The following ANO4 variants were observed in gnomAD, a reference collection of about 807,000 sequenced individuals.
ANO4 encodes the protein anoctamin 4.
In ANO4, 69 loss-of-function variants were observed where a neutral mutation model predicts 141.9. That is an observed-to-expected ratio of 0.49 (90% CI 0.40 to 0.59). The LOEUF is 0.59. ANO4 is among the 20% of genes least tolerant of loss of function. ANO4 has a pLI of 0.00. For synonymous variants in ANO4, 350 were observed against 394.3 expected, an observed-to-expected ratio of 0.89 and a Z score of 1.33; for missense variants, 894 against 1,162.2, an observed-to-expected ratio of 0.77 and a Z score of 3.36.
chr12:100,772,693 C>T (rs752764200), intron 3 of ANO4, among the ~76,000 whole-genome samples: 3 of 152,164 alleles, frequency 2.0e-5, no homozygotes, highest in Non-Finnish European at 4.4e-5. Context: ...TAAGTAGATA[C>T]AAAGGAAAAA....
At chr12:100,883,408 CTG>C (rs2039667936) in intron 1 of ANO4, among the ~76,000 whole-genome samples, 1 of 152,192 alleles carries the variant, frequency 6.6e-6, no homozygotes, top group East Asian at 1.9e-4. Context: ...ACAAATGTAT[CTG>C]TGTTTCAATA....
intron 1 of ANO4, among the ~76,000 whole-genome samples, chr12:100,866,132 T>C (rs2038742344): frequency 6.6e-6 from 1 of 152,196 alleles, no homozygotes; most frequent in Admixed American, 6.5e-5. Flanking sequence ...AAGTGGATGT[T>C]ATCCAGAAGA....
intron 3 of ANO4, among the ~76,000 whole-genome samples, chr12:100,757,932 A>T (rs914029402): frequency 6.6e-6 from 1 of 152,112 alleles, no homozygotes; most frequent in Non-Finnish European, 1.5e-5. Context: ...ATCAATTTGT[A>T]TGTATTGTTC....
At chr12:100,906,286 A>G (rs986305187) in intron 2 of ANO4, among the ~76,000 whole-genome samples, 1 of 152,134 alleles carries the variant, frequency 6.6e-6, no homozygotes, top group African/African-American at 2.4e-5. Context: ...AGGGTACAAG[A>G]CATCAAGGGA....
intron 3 of ANO4, among the ~76,000 whole-genome samples, chr12:100,753,096 G>A (rs1386080012): frequency 6.6e-6 from 1 of 152,158 alleles, no homozygotes; most frequent in Non-Finnish European, 1.5e-5. Flanking sequence ...CATGACAGTG[G>A]TGGAAGTGCC....
intron 9 of ANO4, among the ~76,000 whole-genome samples, chr12:101,021,044 A>C (rs2046502463): frequency 6.6e-6 from 1 of 152,198 alleles, no homozygotes; most frequent in Non-Finnish European, 1.5e-5. Flanking sequence ...TAAAGAATAC[A>C]GGAATAGCAG....
At chr12:101,123,133 C>A (rs957448624) in intron 26 of ANO4, among the ~76,000 whole-genome samples, 1 of 152,126 alleles carries the variant, frequency 6.6e-6, no homozygotes, top group African/African-American at 2.4e-5. Flanking sequence ...TTTCCTAGAC[C>A]TCTTCAAGAC....
intron 1 of ANO4, among the ~76,000 whole-genome samples, chr12:100,862,119 G>A (rs2038511332): frequency 6.6e-6 from 1 of 152,070 alleles, no homozygotes; most frequent in South Asian, 2.1e-4. Context: ...GAGCCACGGG[G>A]TCTCATTATG....
chr12:100,766,936 G>A (rs1035809205), intron 3 of ANO4, among the ~76,000 whole-genome samples: 2 of 152,108 alleles, frequency 1.3e-5, no homozygotes, highest in African/African-American at 2.4e-5. Context: ...TCTTCTTGAT[G>A]AATTGACCTC....
intron 1 of ANO4, among the ~76,000 whole-genome samples, chr12:100,797,363 G>C (rs1210269997): frequency 6.6e-6 from 1 of 151,338 alleles, no homozygotes; most frequent in Non-Finnish European, 1.5e-5. Context: ...AATTGGGAGA[G>C]TGCATTTTTC....
intron 9 of ANO4, among the ~76,000 whole-genome samples, chr12:101,024,448 T>C (rs901598248): frequency 6.6e-6 from 1 of 152,028 alleles, no homozygotes; most frequent in East Asian, 1.9e-4. Flanking sequence ...ATACAAAAAT[T>C]AGCTGAGCAT....
At chr12:100,984,487 A>T (rs1251168846) in intron 7 of ANO4, among the ~76,000 whole-genome samples, 1 of 152,210 alleles carries the variant, frequency 6.6e-6, no homozygotes, top group East Asian at 1.9e-4. Flanking sequence ...GAAATTATTA[A>T]TAATGCTTGC....
At chr12:100,799,976 A>G (rs994150965) in intron 1 of ANO4, among the ~76,000 whole-genome samples, 1 of 152,132 alleles carries the variant, frequency 6.6e-6, no homozygotes, top group Non-Finnish European at 1.5e-5. Flanking sequence ...GCTTTGTGGC[A>G]TCTGTCTCAC....
intron 1 of ANO4, among the ~76,000 whole-genome samples, chr12:100,860,822 T>C (rs1281152495): frequency 6.6e-6 from 1 of 152,026 alleles, no homozygotes; most frequent in African/African-American, 2.4e-5. Context: ...GAGAAATGCA[T>C]TGTTAAGTGA....
rs2047436778 is a variant in ANO4 at position 101,042,260 on chromosome 12, G to A, written c.1020-74G>A. ...TCGTAAGGCCGCTACAAAGTAAAAT[G>A]ACTATACGAAGTTTCATAATGCTTA... is the stretch of plus-strand genomic sequence containing the variant. On this transcript the variant is annotated intron_variant, in intron 11 of 27. Coordinates refer to ENST00000392977, the MANE Select transcript of ANO4 (RefSeq NM_001286615.2). 3 of 1,574,818 alleles carry A rather than the reference G, an allele frequency of 1.9e-6. No individual in the cohort carries two copies. The African/African-American group carries it at 4.1e-5, about 21-fold the overall frequency.
At chr12:100,897,366 G>A (rs770611113) in intron 1 of ANO4, among the ~76,000 whole-genome samples, 1 of 152,168 alleles carries the variant, frequency 6.6e-6, no homozygotes, top group Non-Finnish European at 1.5e-5. Context: ...CAATAAAACA[G>A]GAAGCACTAA....
intron 7 of ANO4, among the ~76,000 whole-genome samples, chr12:100,980,730 C>T (rs2044421640): frequency 1.3e-5 from 2 of 152,178 alleles, no homozygotes; most frequent in South Asian, 4.1e-4. Flanking sequence ...TCTCATAAAG[C>T]ATACTCATGT....
At chr12:100,828,557 A>T (rs181938736) in intron 1 of ANO4, among the ~76,000 whole-genome samples, 24 of 152,034 alleles carry the variant, frequency 1.6e-4, no homozygotes, top group Non-Finnish European at 3.1e-4. Flanking sequence ...TTTTAGTTTC[A>T]TGCCACTTTA....
chr12:100,794,610 C>T (rs1378478259), upstream of ANO4: 1 of 152,230 alleles, frequency 6.6e-6, no homozygotes, highest in Admixed American at 6.5e-5. Context: ...ATGTTCTCTC[C>T]GGCAGTTCCT....
Sources: gnomAD v4.1 joint callset for allele counts (sites outside exome capture counted in the v4.1 genomes callset) on GRCh38, gnomAD v4.1.1 for gene constraint, MANE v1.5 for transcripts, NCBI Gene and HGNC (gene_info 2026-07-23, HGNC 2026-07-21) for gene names.